Variants in LDLRAD4 observed in about 807,000 individuals in gnomAD.
The protein encoded by LDLRAD4 is low-density lipoprotein receptor class A domain-containing protein 4.
Under a neutral mutation model 17.0 loss-of-function variants are expected in LDLRAD4, and 5 were observed. The observed-to-expected ratio is 0.29, with a 90% CI of 0.15 to 0.62. The LOEUF (loss-of-function observed/expected upper bound fraction) is 0.62, where lower values mean the gene tolerates loss of function less well. Ranked by LOEUF, LDLRAD4 falls within the 20% of genes least tolerant of loss-of-function variation. The pLI, the probability that LDLRAD4 is intolerant of heterozygous loss-of-function variation, is 0.84. For missense variants in LDLRAD4, 340 were observed against 424.7 expected (o/e 0.80, Z 1.75); for synonymous variants, 168 against 171.8 (o/e 0.98, Z 0.17).
At chr18:13,605,282 A>G (rs951881140) in intron 3 of LDLRAD4, among the ~76,000 whole-genome samples, 1 of 152,238 alleles carries the variant, frequency 6.6e-6, no homozygotes, top group Non-Finnish European at 1.5e-5. Flanking sequence ...CATTGGCACA[A>G]TCACAGCTCA....
At chr18:13,399,620 C>G (rs1170647464) in intron 2 of LDLRAD4, among the ~76,000 whole-genome samples, 1 of 152,174 alleles carries the variant, frequency 6.6e-6, no homozygotes, top group Non-Finnish European at 1.5e-5. Context: ...ACTCTGAGAC[C>G]CCAGCTCGCT....
At position 13,612,803 on chromosome 18, in the gene LDLRAD4, A is replaced by G. The variant is rs574802809; in HGVS notation, c.182-8314A>G. 23 of 1,613,570 alleles carry G rather than the reference A, an allele frequency of 1.4e-5. No individual in the cohort carries two copies. In the African/African-American group the frequency reaches 2.5e-4, roughly 18 times the overall value. On this transcript the variant is annotated intron_variant, in intron 3 of 5. Transcript: ENST00000359446. ...CATTTCCCAAGAACTGCTATGGATG[A>G]TGCATGCTCTTTCGGGTTTGCTGTG... is the stretch of plus-strand genomic sequence containing the variant.
chr18:13,238,884 A>G (rs550051889), intron 1 of LDLRAD4, among the ~76,000 whole-genome samples: 10 of 152,246 alleles, frequency 6.6e-5, no homozygotes, highest in African/African-American at 2.2e-4. Context: ...GGGAGAGGGG[A>G]CATTAAGATT....
At chr18:13,583,100 C>T (rs1249954602) in intron 3 of LDLRAD4, among the ~76,000 whole-genome samples, 4 of 152,094 alleles carry the variant, frequency 2.6e-5, no homozygotes, top group Admixed American at 2.0e-4. Flanking sequence ...TTATTTCACC[C>T]GCACCATAAG....
At chr18:13,563,106 A>G (rs1257434964) in intron 3 of LDLRAD4, 1 of 152,208 alleles carries the variant, frequency 6.6e-6, no homozygotes, top group Non-Finnish European at 1.5e-5. Flanking sequence ...CCAAAGATAC[A>G]CCTGAAGCTT....
intron 3 of LDLRAD4, chr18:13,489,881 G>A (rs999257993): frequency 1.3e-5 from 2 of 152,214 alleles, no homozygotes; most frequent in African/African-American, 4.8e-5. Flanking sequence ...AAGAAGGAGG[G>A]AGGAGATTTG....
chr18:13,343,453 G>A (rs1382252151), intron 1 of LDLRAD4, among the ~76,000 whole-genome samples: 1 of 152,016 alleles, frequency 6.6e-6, no homozygotes, highest in African/African-American at 2.4e-5. Context: ...TGGTGTATAT[G>A]TGCCACATTT....
At chr18:13,515,391 A>T (rs1261120903) in intron 3 of LDLRAD4, 1 of 152,280 alleles carries the variant, frequency 6.6e-6, no homozygotes, top group East Asian at 1.9e-4. Context: ...CTTGCATGTC[A>T]CTTTGAATGT....
At chr18:13,416,579 A>C (rs992774306) in intron 2 of LDLRAD4, among the ~76,000 whole-genome samples, 1 of 152,218 alleles carries the variant, frequency 6.6e-6, no homozygotes, top group African/African-American at 2.4e-5. Context: ...CTCTGTGTCT[A>C]CTTCTGACAT....
intron 1 of LDLRAD4, among the ~76,000 whole-genome samples, chr18:13,331,383 G>T (rs558238282): frequency 2.4e-4 from 37 of 152,318 alleles, no homozygotes; most frequent in Admixed American, 3.9e-4. Context: ...TGTGTTGTGA[G>T]AGCAGAGGAA....
chr18:13,257,575 T>G (rs2043574780), intron 1 of LDLRAD4, among the ~76,000 whole-genome samples: 1 of 152,220 alleles, frequency 6.6e-6, no homozygotes, highest in Admixed American at 6.5e-5. Flanking sequence ...GAGTCCGGCC[T>G]GCAGCCTGGA....
intron 1 of LDLRAD4, among the ~76,000 whole-genome samples, chr18:13,368,781 G>A (rs2084254255): frequency 6.6e-6 from 1 of 152,198 alleles, no homozygotes; most frequent in South Asian, 2.1e-4. Context: ...AGCTTAATTT[G>A]CACTCTTCCT....
intron 3 of LDLRAD4, among the ~76,000 whole-genome samples, chr18:13,616,745 A>AG (rs1321987164): frequency 6.6e-6 from 1 of 152,196 alleles, no homozygotes; most frequent in East Asian, 1.9e-4. Context: ...TCCTGTGCCC[A>AG]GGGCTGAGTG....
chr18:13,343,303 G>T (rs1234202550), intron 1 of LDLRAD4, among the ~76,000 whole-genome samples: 1 of 134,822 alleles, frequency 7.4e-6, no homozygotes, highest in Admixed American at 8.8e-5. Flanking sequence ...TCATTGTTCA[G>T]TTCCCACCTA....
intron 1 of LDLRAD4, among the ~76,000 whole-genome samples, chr18:13,294,161 G>A (rs1311905945): frequency 6.6e-6 from 1 of 152,226 alleles, no homozygotes; most frequent in Non-Finnish European, 1.5e-5. Flanking sequence ...GGAACACTGC[G>A]CATAAATGGG....
intron 1 of LDLRAD4, among the ~76,000 whole-genome samples, chr18:13,312,877 TC>T (rs1360137795): frequency 6.6e-6 from 1 of 152,226 alleles, no homozygotes. Context: ...GGAAAACTCT[TC>T]CTAAGCTTCA....
At position 13,645,189 on chromosome 18, in the gene LDLRAD4, C is replaced by T. The variant is rs2042956062; in HGVS notation, c.453C>T (p.Arg151=). The T allele has an allele frequency of 1.2e-6, 2 of 1,614,110 alleles. No homozygotes were observed. Among genetic ancestry groups the T allele is most frequent in the Non-Finnish European group, 1.7e-6 (2 of 1,180,002 alleles). Residue 151 remains arginine (R), a synonymous_variant, in exon 6 of 6, where the codon CGC becomes CGT. Coordinates refer to ENST00000359446, the Ensembl canonical transcript of LDLRAD4. This position sits in a 1 kb window ranked among gnomAD's most constrained non-coding sequence, Gnocchi z 5.7. ...CGCCGTCCTTCATCCAGAGGGATCG[C>T]TTCAGCCGCTTCCAGCCCACCTACC...
At chr18:13,602,977 G>A (rs866654958) in intron 3 of LDLRAD4, among the ~76,000 whole-genome samples, 15 of 152,114 alleles carry the variant, frequency 9.9e-5, no homozygotes, top group African/African-American at 3.6e-4. Context: ...AGAAAAGAAA[G>A]GCTATGGACA....
At chr18:13,242,804 A>G (rs1168498366) in intron 1 of LDLRAD4, among the ~76,000 whole-genome samples, 3 of 152,246 alleles carry the variant, frequency 2.0e-5, no homozygotes, top group African/African-American at 7.2e-5. Context: ...AATAAAGGTA[A>G]TTTTGAAGTA....
Sources: gnomAD v4.1 joint callset for allele counts (sites outside exome capture counted in the v4.1 genomes callset) on GRCh38, gnomAD v4.1.1 for gene constraint, Gnocchi (gnomAD v3.1) non-coding constraint, MANE v1.5 for transcripts, NCBI Gene and HGNC (gene_info 2026-07-23, HGNC 2026-07-21) for gene names.